The following LRRC3B variants were observed in gnomAD, a reference collection of about 807,000 sequenced individuals.
LRRC3B encodes the protein leucine rich repeat containing 3B.
LRRC3B carries 2 observed loss-of-function variants against 12.8 expected under a neutral mutation model. That is an observed-to-expected ratio of 0.16 (90% CI 0.06 to 0.49). The LOEUF (loss-of-function observed/expected upper bound fraction) is 0.49, where lower values mean the gene tolerates loss of function less well. Among genes scored for constraint, LRRC3B ranks in the 20% least tolerant of loss-of-function variants. LRRC3B has a pLI of 0.96. For synonymous variants in LRRC3B, 132 were observed against 122.0 expected (o/e 1.08, Z -0.54); for missense variants, 189 against 319.4 (o/e 0.59, Z 3.11).
chr3:26,709,727 CAA>C lies in LRRC3B; in HGVS notation c.57_58del (p.Ser20PhefsTer31), dbSNP rs1369618390. The C allele has an allele frequency of 1.2e-6, 2 of 1,614,120 alleles. No individual in the cohort carries two copies. Among genetic ancestry groups the C allele is most frequent in the Non-Finnish European group, 1.7e-6 (2 of 1,179,990 alleles). On this transcript the variant is annotated frameshift_variant, in exon 2 of 2. Coordinates refer to ENST00000396641, the Ensembl canonical transcript of LRRC3B. LOFTEE classifies it high-confidence loss of function. The stretch of plus-strand genomic sequence containing the variant: ...TTCCCTCTCCATGTGTCTCCTCCTA[CAA>C]AGTTTTGTTCTTATGATACTGTGCT...
rs147336534 is a variant in LRRC3B at position 26,696,656 on chromosome 3, C to G, written c.-160-12857C>G. Among the ~76,000 whole-genome samples, 893 of 152,260 alleles carry G rather than the reference C, an allele frequency of 5.9e-3. 12 individuals are homozygous for G. Among genetic ancestry groups the G allele is most frequent in the African/African-American group, 0.021 (857 of 41,546 alleles). ...TTGTTTGTACAATAAATTCTGTGGG[C>G]CCCTCACTGTGAGGGACATACTAAC... On this transcript the variant is annotated intron_variant, in intron 1 of 1. Transcript: ENST00000396641.
chr3:26,681,402 A>G (rs1043545757), intron 1 of LRRC3B, among the ~76,000 whole-genome samples: 5 of 152,216 alleles, frequency 3.3e-5, no homozygotes, highest in Non-Finnish European at 5.9e-5. Flanking sequence ...GTCTACTAGG[A>G]AAGAACAGAC....
At position 26,675,847 on chromosome 3, in the gene LRRC3B, ATTCTTTAT is replaced by A. The variant is rs1559363322; in HGVS notation, c.-160-33665_-160-33658del. 6.0e-4 allele frequency among the ~76,000 whole-genome samples: 91 copies of A among 152,096 alleles called. 1 individual carries two copies. The highest frequency in any genetic ancestry group is 2.2e-3 in the African/African-American group (90 of 41,422). On this transcript the variant is annotated intron_variant, in intron 1 of 1. Transcript: ENST00000396641. ...CTTATTCTAGAATGTTTACCTTCTT[ATTCTTTAT>A]GATGAAACATACAATTTTTTTATTA...
exon 2 of LRRC3B, chr3:26,710,596 A>G: frequency 3.9e-6 from 3 of 778,264 alleles, no homozygotes; most frequent in Non-Finnish European, 6.0e-6. Flanking sequence ...TGAACTTTTA[A>G]CAAACACTAC....
chr3:26,671,216 C>T (rs1295761398), intron 1 of LRRC3B, among the ~76,000 whole-genome samples: 1 of 144,126 alleles, frequency 6.9e-6, no homozygotes, highest in African/African-American at 2.6e-5. Flanking sequence ...GGGGTTTCAC[C>T]GTTTTAGCCG....
chr3:26,657,504 T>C (rs1050056319), intron 1 of LRRC3B, among the ~76,000 whole-genome samples: 1 of 152,238 alleles, frequency 6.6e-6, no homozygotes. Context: ...TGTCTCTCCT[T>C]GAGGGTAAAA....
intron 1 of LRRC3B, among the ~76,000 whole-genome samples, chr3:26,654,119 T>C (rs1284115041): frequency 1.3e-5 from 2 of 152,206 alleles, no homozygotes; most frequent in Non-Finnish European, 2.9e-5. Flanking sequence ...GAATCATGAT[T>C]TAAAATCTGT....
chr3:26,700,138 A>T (rs1178020006), intron 1 of LRRC3B, among the ~76,000 whole-genome samples: 5 of 152,150 alleles, frequency 3.3e-5, no homozygotes, highest in Non-Finnish European at 7.4e-5. Context: ...AAAAGTGGAA[A>T]AGTAGTGCCT....
intron 1 of LRRC3B, among the ~76,000 whole-genome samples, chr3:26,708,208 G>GTTTC (rs1454617421): frequency 6.6e-6 from 1 of 152,154 alleles, no homozygotes; most frequent in Non-Finnish European, 1.5e-5. Context: ...TGCTCTTCTT[G>GTTTC]TTTCTTAGAT....
At chr3:26,672,071 C>T (rs1699760588) in intron 1 of LRRC3B, among the ~76,000 whole-genome samples, 1 of 152,176 alleles carries the variant, frequency 6.6e-6, no homozygotes, top group Non-Finnish European at 1.5e-5. Context: ...CAGCTCCAGG[C>T]TTTAACCATT....
intron 1 of LRRC3B, among the ~76,000 whole-genome samples, chr3:26,701,053 G>GTACT (rs1700441037): frequency 6.6e-6 from 1 of 151,966 alleles, no homozygotes; most frequent in Non-Finnish European, 1.5e-5. Context: ...CCACAATGTT[G>GTACT]TACTTACTCC....
chr3:26,657,621 C>G (rs952954226), intron 1 of LRRC3B, among the ~76,000 whole-genome samples: 2 of 152,078 alleles, frequency 1.3e-5, no homozygotes, highest in African/African-American at 2.4e-5. Flanking sequence ...TGCTTTGAGT[C>G]GATCCAGAAT....
intron 1 of LRRC3B, among the ~76,000 whole-genome samples, chr3:26,679,647 T>C (rs963333389): frequency 2.0e-5 from 3 of 152,206 alleles, no homozygotes; most frequent in African/African-American, 7.2e-5. Context: ...TATTCTGCTT[T>C]GTTGTTATTC....
chr3:26,658,193 C>T (rs1699416028), intron 1 of LRRC3B, among the ~76,000 whole-genome samples: 1 of 152,102 alleles, frequency 6.6e-6, no homozygotes, highest in South Asian at 2.1e-4. Context: ...TCTCCTGCCT[C>T]AGTCTCCCGA....
At chr3:26,652,246 A>T (rs1001286242) in intron 1 of LRRC3B, among the ~76,000 whole-genome samples, 2 of 152,216 alleles carry the variant, frequency 1.3e-5, no homozygotes, top group Non-Finnish European at 2.9e-5. Flanking sequence ...TGCATGATCA[A>T]CTGGGGCTGC....
chr3:26,632,977 C>T (rs1281995915), intron 1 of LRRC3B, among the ~76,000 whole-genome samples: 1 of 152,142 alleles, frequency 6.6e-6, no homozygotes, highest in East Asian at 1.9e-4. Context: ...ATTTACACCA[C>T]TATTTATACT....
At chr3:26,681,285 C>T (rs1470951560) in intron 1 of LRRC3B, among the ~76,000 whole-genome samples, 10 of 152,062 alleles carry the variant, frequency 6.6e-5, no homozygotes, top group Admixed American at 6.6e-4. Flanking sequence ...AAAAATGTGT[C>T]CTATTTAATA....
In LRRC3B at chr3:26,630,793, C is replaced by A. The variant is rs190761262; in HGVS notation, c.-161+7556C>A. 5.8e-3 allele frequency among the ~76,000 whole-genome samples: 879 copies of A among 152,282 alleles called. 7 individuals carry two copies. The highest frequency in any genetic ancestry group is 7.1e-3 in the Admixed American group (108 of 15,300). ...CTATTGGTAGATGCCTTGGAGGTCTCTAACCCCAAGAACTGCAGACAATGG... is the reference window on the plus strand; with the variant it reads ...CTATTGGTAGATGCCTTGGAGGTCTATAACCCCAAGAACTGCAGACAATGG... On this transcript the variant is annotated intron_variant, in intron 1 of 1. Coordinates refer to ENST00000396641, the Ensembl canonical transcript of LRRC3B.
At chr3:26,638,819 A>G (rs1698959133) in intron 1 of LRRC3B, among the ~76,000 whole-genome samples, 1 of 152,170 alleles carries the variant, frequency 6.6e-6, no homozygotes, top group African/African-American at 2.4e-5. Flanking sequence ...GTGTTTTGAA[A>G]TGAGCCAAAG....
Sources: gnomAD v4.1 joint callset for allele counts (sites outside exome capture counted in the v4.1 genomes callset) on GRCh38, gnomAD v4.1.1 for gene constraint, MANE v1.5 for transcripts, NCBI Gene and HGNC (gene_info 2026-07-23, HGNC 2026-07-21) for gene names.